The following DLG2 variants were observed in gnomAD, a reference collection of about 807,000 sequenced individuals.
DLG2 encodes the protein disks large homolog 2.
DLG2 carries 45 observed loss-of-function variants against 132.5 expected under a neutral mutation model. That is an observed-to-expected ratio of 0.34 (90% CI 0.27 to 0.44). The LOEUF is 0.44. Among genes scored for constraint, DLG2 ranks in the 20% least tolerant of loss-of-function variants. The probability of loss-of-function intolerance (pLI) is 1.00; values close to 1 mark genes in which losing one functional copy is unlikely to be tolerated. For synonymous variants in DLG2, 424 were observed against 419.6 expected (o/e 1.01, Z -0.13); for missense variants, 1,045 against 1,196.9 (o/e 0.87, Z 1.87).
intron 6 of DLG2, among the ~76,000 whole-genome samples, chr11:84,912,086 C>T (rs1198366657): frequency 6.6e-6 from 1 of 152,182 alleles, no homozygotes; most frequent in Non-Finnish European, 1.5e-5. Flanking sequence ...TTTGAGATAA[C>T]CACCAAATTT....
At chr11:84,332,248 A>C (rs1400436674) in intron 7 of DLG2, among the ~76,000 whole-genome samples, 2 of 134,942 alleles carry the variant, frequency 1.5e-5, no homozygotes, top group African/African-American at 2.9e-5. Flanking sequence ...GTCTCGCTCT[A>C]TCGCCCAGGC....
At chr11:84,008,111 A>G (rs1592952807) in intron 11 of DLG2, among the ~76,000 whole-genome samples, 1 of 151,812 alleles carries the variant, frequency 6.6e-6, no homozygotes, top group Admixed American at 6.6e-5. Flanking sequence ...GGTCACTCAC[A>G]TCATCTATTC....
At chr11:83,607,458 G>T (rs572782624) in intron 19 of DLG2, among the ~76,000 whole-genome samples, 1 of 152,126 alleles carries the variant, frequency 6.6e-6, no homozygotes, top group Non-Finnish European at 1.5e-5. Context: ...CACTGTCCCC[G>T]CTGTTCTCTT....
At chr11:84,534,514 C>T (rs1261100987) in intron 7 of DLG2, 56 bp downstream of exon 7, 2 of 1,545,428 alleles carry the variant, frequency 1.3e-6, no homozygotes, top group Non-Finnish European at 1.8e-6. Flanking sequence ...TCTCCATTAG[C>T]AATTAAGACC....
intron 5 of DLG2, among the ~76,000 whole-genome samples, chr11:85,126,094 C>T (rs2075076412): frequency 1.3e-5 from 2 of 152,140 alleles, no homozygotes; most frequent in Admixed American, 1.3e-4. Flanking sequence ...TGGAAGTCGC[C>T]GAAACCAAAA....
At chr11:84,790,322 T>C (rs1292621303) in intron 6 of DLG2, among the ~76,000 whole-genome samples, 1 of 152,210 alleles carries the variant, frequency 6.6e-6, no homozygotes, top group Non-Finnish European at 1.5e-5. Context: ...TTGATTTGCA[T>C]TTCTCTGATG....
intron 19 of DLG2, among the ~76,000 whole-genome samples, chr11:83,598,083 T>C (rs2057927484): frequency 6.6e-6 from 1 of 152,208 alleles, no homozygotes; most frequent in Non-Finnish European, 1.5e-5. Context: ...TGATTTGCTA[T>C]TTGCTCCGGG....
At chr11:85,517,794 CTCA>C (rs547696833) in intron 3 of DLG2, among the ~76,000 whole-genome samples, 5 of 152,098 alleles carry the variant, frequency 3.3e-5, no homozygotes, top group Non-Finnish European at 7.4e-5. Context: ...CCACCCAAAT[CTCA>C]TCATGAATTC....
intron 7 of DLG2, among the ~76,000 whole-genome samples, chr11:84,365,893 G>T (rs929072714): frequency 1.3e-5 from 2 of 152,006 alleles, no homozygotes; most frequent in African/African-American, 4.8e-5. Flanking sequence ...CACTCTGCAG[G>T]ATATTATCCA....
At chr11:84,224,659 G>A (rs755156386) in intron 8 of DLG2, among the ~76,000 whole-genome samples, 46 of 152,238 alleles carry the variant, frequency 3.0e-4, no homozygotes, top group Non-Finnish European at 4.4e-4. Context: ...CCTGCTCAAG[G>A]TCACACAGGT....
intron 18 of DLG2, among the ~76,000 whole-genome samples, chr11:83,779,668 T>C (rs1303298650): frequency 1.3e-5 from 2 of 152,186 alleles, no homozygotes; most frequent in Non-Finnish European, 2.9e-5. Context: ...ATTAAACGGC[T>C]TTCCTATCTA....
chr11:83,993,120 T>A (rs1391573481), intron 11 of DLG2, among the ~76,000 whole-genome samples: 1 of 152,162 alleles, frequency 6.6e-6, no homozygotes, highest in Non-Finnish European at 1.5e-5. Context: ...TTGCCTTACA[T>A]ATTAATCTCT....
chr11:84,856,810 T>C (rs919753341), intron 6 of DLG2, among the ~76,000 whole-genome samples: 1 of 152,056 alleles, frequency 6.6e-6, no homozygotes, highest in Non-Finnish European at 1.5e-5. Flanking sequence ...AGCCTCTTTC[T>C]GCCTCTTCTC....
intron 6 of DLG2, among the ~76,000 whole-genome samples, chr11:84,664,144 G>T (rs1215121328): frequency 6.6e-6 from 1 of 152,086 alleles, no homozygotes; most frequent in Admixed American, 6.6e-5. Flanking sequence ...TTTTTCAAAT[G>T]ATCTTTTTTG....
chr11:85,459,847 G>C (rs1348778066), intron 3 of DLG2, among the ~76,000 whole-genome samples: 1 of 152,170 alleles, frequency 6.6e-6, no homozygotes, highest in African/African-American at 2.4e-5. Flanking sequence ...TGGAATTCCA[G>C]GCTGAGAGGC....
At chr11:84,842,951 G>T (rs900870971) in intron 6 of DLG2, among the ~76,000 whole-genome samples, 3 of 151,886 alleles carry the variant, frequency 2.0e-5, no homozygotes, top group African/African-American at 7.2e-5. Context: ...GGAAAACATA[G>T]ATATATTCCT....
intron 7 of DLG2, among the ~76,000 whole-genome samples, chr11:84,327,185 C>T (rs1478920270): frequency 4.2e-5 from 6 of 141,470 alleles, no homozygotes; most frequent in East Asian, 2.1e-4. Context: ...GGTGCAATCT[C>T]GGCTCACTTC....
At position 85,489,398 on chromosome 11, in the gene DLG2, C is replaced by T. The variant is rs976462872; in HGVS notation, c.40+109259G>A. On this transcript the variant is annotated intron_variant, in intron 3 of 27. Transcript: ENST00000376104. ...TATATATGCACCCAACACTGCAGCA[C>T]GCAGATTCAGAAAACAAATATTATT... Among the ~76,000 whole-genome samples, 15 of 152,046 alleles carry T rather than the reference C, an allele frequency of 9.9e-5. 1 individual carries two copies. Among genetic ancestry groups the T allele is most frequent in the Admixed American group, 3.3e-4 (5 of 15,270 alleles).
At chr11:85,102,355 A>G (rs1377329942) in intron 6 of DLG2, among the ~76,000 whole-genome samples, 1 of 152,016 alleles carries the variant, frequency 6.6e-6, no homozygotes, top group Non-Finnish European at 1.5e-5. Context: ...AAAGTCTGTG[A>G]AAGTATTTTA....
Sources: gnomAD v4.1 joint callset for allele counts (sites outside exome capture counted in the v4.1 genomes callset) on GRCh38, gnomAD v4.1.1 for gene constraint, MANE v1.5 for transcripts, NCBI Gene and HGNC (gene_info 2026-07-23, HGNC 2026-07-21) for gene names.